DYSF: variants seen among roughly 807,000 people sequenced by gnomAD.
DYSF encodes dysferlin.
Under a neutral mutation model 274.9 loss-of-function variants are expected in DYSF, and 212 were observed. The ratio of observed to expected loss-of-function variants is 0.77; its 90% CI spans 0.69 to 0.86. The LOEUF is 0.86. DYSF is among the 40% of genes least tolerant of loss of function. DYSF has a pLI of 0.00. For synonymous variants in DYSF, 1,091 were observed against 1,078.7 expected, an observed-to-expected ratio of 1.01 and a Z score of -0.22; for missense variants, 2,666 against 2,783.2, an observed-to-expected ratio of 0.96 and a Z score of 0.95.
intron 1 of DYSF, among the ~76,000 whole-genome samples, chr2:71,461,320 C>T (rs923543223): frequency 6.6e-6 from 1 of 152,216 alleles, no homozygotes; most frequent in Non-Finnish European, 1.5e-5. Context: ...GGACTGCTTT[C>T]CTGGAGAGGT....
At chr2:71,587,018 G>C (rs2152839405) in intron 30 of DYSF, among the ~76,000 whole-genome samples, 1 of 152,350 alleles carries the variant, frequency 6.6e-6, no homozygotes, top group East Asian at 1.9e-4. Context: ...ATCACGCACT[G>C]TTGCACCTGC....
At chr2:71,560,637 A>G (rs1188513014) in intron 22 of DYSF, among the ~76,000 whole-genome samples, 1 of 152,202 alleles carries the variant, frequency 6.6e-6, no homozygotes, top group Non-Finnish European at 1.5e-5. Flanking sequence ...GGAAAAATGT[A>G]GTGCGCCGAG....
chr2:71,574,224 G>A lies in DYSF; in HGVS notation c.3255G>A (p.Glu1085=), dbSNP rs1440420005. The part of the protein sequence containing the change: ...KRHRQAEAEG[E]GWEYASLFGW... The stretch of plus-strand genomic sequence containing the variant: ...ACAGGCAGGCGGAGGCGGAGGGCGA[G>A]GGCTGGGAGTACGCCTCTCTTTTTG... Residue 1085 remains glutamate (E), a synonymous_variant, in exon 30 of 56, where the codon GAG becomes GAA. Transcript: ENST00000410020. 3 of 1,613,724 alleles carry A rather than the reference G, an allele frequency of 1.9e-6. No homozygotes were observed. The highest frequency in any genetic ancestry group is 3.3e-5 in the Admixed American group (2 of 60,032).
At chr2:71,532,257 C>T (rs954245822) in intron 14 of DYSF, among the ~76,000 whole-genome samples, 1 of 152,210 alleles carries the variant, frequency 6.6e-6, no homozygotes, top group Non-Finnish European at 1.5e-5. Flanking sequence ...ATACAGGAAT[C>T]TTTGTCCACA....
At chr2:71,460,949 A>G (rs71391706) in intron 1 of DYSF, among the ~76,000 whole-genome samples, 20,442 of 149,622 alleles carry the variant, frequency 0.14, 1,721 homozygotes, top group African/African-American at 0.21. Flanking sequence ...AAAAAAAAAA[A>G]AAAAAGAAAA....
rs546780556 is a variant in DYSF, at chr2:71,514,578, A to AT, written c.759+667dup. ...TGCTTTTAACTTTGGTCCTTTGCCT[A>AT]TTTTTTTTTTCTTTTCAAAAGAATT... is the stretch of plus-strand genomic sequence containing the variant. On this transcript the variant is annotated intron_variant, in intron 7 of 55. Coordinates refer to ENST00000410020, the MANE Select transcript of DYSF (RefSeq NM_001130987.2). Among the ~76,000 whole-genome samples the AT allele has an allele frequency of 5.4e-3, 805 of 148,920 alleles. 1 individual carries two copies. The highest frequency in any genetic ancestry group is 0.035 in the Middle Eastern group (10 of 288).
intron 42 of DYSF, among the ~76,000 whole-genome samples, chr2:71,651,712 G>A (rs2094665561): frequency 6.6e-6 from 1 of 152,108 alleles, no homozygotes; most frequent in Non-Finnish European, 1.5e-5. Flanking sequence ...TCAGCCATAT[G>A]TATAAATATC....
At position 71,686,693 on chromosome 2, in the gene DYSF, CCTTCTCCCCCA is replaced by C; in HGVS notation, c.*202_*212del. On this transcript the variant is annotated 3_prime_UTR_variant, in exon 56 of 56. Transcript: ENST00000410020. ...TGAGATCACCCCACTTCCATCATTT[CCTTCTCCCCCA>C]ACCCAACGCTTTTTTGGATCAGCTC... The C allele has an allele frequency of 3.1e-6, 2 of 650,770 alleles. No homozygotes were observed. The highest frequency in any genetic ancestry group is 2.4e-5 in the Admixed American group (1 of 42,404). 40.3% of individuals were successfully genotyped at this position (650,770 alleles called of 1,614,324 possible).
At chr2:71,686,248 G>A (rs772058691) in intron 55 of DYSF, among the ~76,000 whole-genome samples, 8 of 152,186 alleles carry the variant, frequency 5.3e-5, no homozygotes, top group South Asian at 2.1e-4. Context: ...TAGGCAGGGC[G>A]GAGTGTTGAG....
chr2:71,589,596 G>C lies in DYSF; in HGVS notation c.3406G>C (p.Gly1136Arg), dbSNP rs202000264. 1.2e-6 allele frequency: 2 copies of C among 1,613,866 alleles called. No individual in the cohort carries two copies. Among genetic ancestry groups the C allele is most frequent in the Non-Finnish European group, 1.7e-6 (2 of 1,179,954 alleles). Reference protein sequence around the residue: ...AVFALEGALGGVMDDKSEDSM... With the variant: ...AVFALEGALGRVMDDKSEDSM... ...ATAACCAGCTTCGTGTCTCCAGGGC[G>C]GCGTGATGGATGACAAGAGTGAAGA... The change falls in exon 31 of 56, where the codon GGC becomes CGC. Residue 1136 changes from glycine to arginine, a missense_variant. Physicochemically the swap from Gly to Arg is moderately radical, Grantham distance 125. Coordinates refer to ENST00000410020, the MANE Select transcript of DYSF (RefSeq NM_001130987.2).
chr2:71,624,795 A>C (rs912597984), intron 41 of DYSF, among the ~76,000 whole-genome samples: 2 of 152,204 alleles, frequency 1.3e-5, no homozygotes, highest in Non-Finnish European at 2.9e-5. Context: ...TCAGGAACGC[A>C]TATCTTATAT....
At chr2:71,678,309 C>T (rs1215582601) in intron 52 of DYSF, among the ~76,000 whole-genome samples, 2 of 151,690 alleles carry the variant, frequency 1.3e-5, no homozygotes, top group East Asian at 1.9e-4. Flanking sequence ...ATGTTCAACC[C>T]GTATATGCCT....
chr2:71,640,813 T>A (rs1464874422), intron 41 of DYSF, among the ~76,000 whole-genome samples: 1 of 152,098 alleles, frequency 6.6e-6, no homozygotes, highest in East Asian at 1.9e-4. Context: ...GTAAAAACTT[T>A]CATCTTTTTC....
chr2:71,616,491 GT>G lies in DYSF; in HGVS notation c.4464+3082del, dbSNP rs367924186. Among the ~76,000 whole-genome samples, 36 of 151,596 alleles carry G rather than the reference GT, an allele frequency of 2.4e-4. 1 individual carries two copies. Among genetic ancestry groups the G allele is most frequent in the African/African-American group, 5.3e-4 (22 of 41,290 alleles). ...ACATGAGTGAGCATGACAGGTGGGG[GT>G]GGTAGGAGCAGGTGTGTGCACGAGC... On this transcript the variant is annotated intron_variant, in intron 40 of 55. Coordinates refer to ENST00000410020, the MANE Select transcript of DYSF (RefSeq NM_001130987.2).
At chr2:71,568,878 C>CT (rs1264084886) in intron 26 of DYSF, among the ~76,000 whole-genome samples, 299 of 142,708 alleles carry the variant, frequency 2.1e-3, no homozygotes, top group African/African-American at 4.6e-3. Context: ...TATTCTCTCT[C>CT]TTTTTTTTTT....
chr2:71,656,194 C>T lies in DYSF; in HGVS notation c.4659C>T (p.Ala1553=). ...VYDTQLENVE[A]FEGLSDFCNT... is the part of the protein sequence containing the mutation. ...ACACACAGCTGGAGAATGTGGAGGC[C>T]TTTGAGGGCCTGTCTGACTTTTGTA... Residue 1553 remains alanine, a synonymous_variant, in exon 43 of 56, where the codon GCC becomes GCT. Transcript: ENST00000410020. 1 of 1,614,166 alleles carries T rather than the reference C, an allele frequency of 6.2e-7. No individual in the cohort carries two copies. The highest frequency in any genetic ancestry group is 8.5e-7 in the Non-Finnish European group (1 of 1,180,030).
chr2:71,686,570 C>A lies in DYSF; in HGVS notation c.*78C>A. Reference sequence around the variant, plus strand: ...GGCCTGCCTCCTCCGCCCAGCTCGGCGAGCTCCTCCAGACCTCCTAGGCCT... The same window carrying A: ...GGCCTGCCTCCTCCGCCCAGCTCGGAGAGCTCCTCCAGACCTCCTAGGCCT... On this transcript the variant is annotated 3_prime_UTR_variant, in exon 56 of 56. Transcript: ENST00000410020. The A allele has an allele frequency of 6.4e-7, 1 of 1,559,562 alleles. No homozygotes were observed.
chr2:71,518,205 CGTAAA>C (rs1485404634), intron 10 of DYSF, among the ~76,000 whole-genome samples: 2 of 151,734 alleles, frequency 1.3e-5, no homozygotes, highest in African/African-American at 2.4e-5. Flanking sequence ...TAACAGATTA[CGTAAA>C]GTAAAGGTAA....
At chr2:71,619,655 C>T (rs554894770) in intron 40 of DYSF, among the ~76,000 whole-genome samples, 7 of 152,304 alleles carry the variant, frequency 4.6e-5, no homozygotes, top group Admixed American at 2.0e-4. Flanking sequence ...ACCTACCCTC[C>T]TGACCCGTTT....
Sources: allele counts gnomAD v4.1 joint callset (sites outside exome capture counted in the v4.1 genomes callset), GRCh38; gene constraint gnomAD v4.1.1; transcripts MANE v1.5; gene names NCBI Gene and HGNC (gene_info 2026-07-23, HGNC 2026-07-21).